The following MED25 variants were observed in gnomAD, a reference collection of about 807,000 sequenced individuals.
MED25 encodes mediator of RNA polymerase II transcription subunit 25.
Under a neutral mutation model 89.4 loss-of-function variants are expected in MED25, and 62 were observed. The ratio of observed to expected loss-of-function variants is 0.69; its 90% CI spans 0.57 to 0.86. The LOEUF (loss-of-function observed/expected upper bound fraction) is 0.86, where lower values mean the gene tolerates loss of function less well. Ranked by LOEUF, MED25 falls within the 40% of genes least tolerant of loss-of-function variation. The probability of loss-of-function intolerance (pLI) is 0.00; values close to 1 mark genes in which losing one functional copy is unlikely to be tolerated. For missense variants in MED25, 905 were observed against 1,005.2 expected, an observed-to-expected ratio of 0.90 and a Z score of 1.35; for synonymous variants, 449 against 427.9, an observed-to-expected ratio of 1.05 and a Z score of -0.61.
Position 49,830,452 on chromosome 19 carries a change from C to A in MED25, c.820-59C>A. 6.4e-7 allele frequency: 1 copy of A among 1,559,562 alleles called. No individual in the cohort carries two copies. ...ATGGGTGGTGTGACCTCGTGGGATACCAGGACTGGGGGGCCATGGTCCTCA... is the reference window on the plus strand; with the variant it reads ...ATGGGTGGTGTGACCTCGTGGGATAACAGGACTGGGGGGCCATGGTCCTCA... On this transcript the variant is annotated intron_variant, in intron 7 of 17. Coordinates refer to ENST00000312865, the MANE Select transcript of MED25 (RefSeq NM_030973.4). The surrounding 1 kb of genome is among the most constrained non-coding windows in gnomAD (Gnocchi z 4.6).
intron 3 of MED25, among the ~76,000 whole-genome samples, chr19:49,824,418 A>G (rs2074001999): frequency 6.6e-6 from 1 of 152,094 alleles, no homozygotes. Flanking sequence ...TACAAAAACA[A>G]CAAATAAATA....
chr19:49,820,124 C>T (rs1479698119), intron 3 of MED25, among the ~76,000 whole-genome samples: 1 of 151,942 alleles, frequency 6.6e-6, no homozygotes, highest in East Asian at 1.9e-4. Flanking sequence ...GGGTGAGCCA[C>T]TGTTGCGGGA....
chr19:49,818,607 C>A lies in MED25; in HGVS notation c.171C>A (p.Phe57Leu). 1 of 1,613,954 alleles carries A rather than the reference C, an allele frequency of 6.2e-7. No homozygotes were observed. Among genetic ancestry groups the A allele is most frequent in the Non-Finnish European group, 8.5e-7 (1 of 1,179,964 alleles). Residue 57 changes from phenylalanine (F) to leucine (L), a missense_variant, in exon 2 of 18, where the codon TTC becomes TTA. This residue lies in a region of MED25 where 501 missense variants were observed against 526.9 expected (regional missense o/e 0.95). Coordinates refer to ENST00000312865, the MANE Select transcript of MED25 (RefSeq NM_030973.4). ...GTGGTCCTCCTGCTGAGACGGACTT[C>A]GGGGGAGACGTGAGTCTAGGGACTC... is the stretch of plus-strand genomic sequence containing the variant. ...FNGGPPAETD[F>L]GGDYGGTQYS...
chr19:49,831,552 T>C lies in MED25; in HGVS notation c.1230+91T>C, dbSNP rs2074057814. On this transcript the variant is annotated intron_variant, in intron 10 of 17. Transcript: ENST00000312865. The surrounding 1 kb of genome is among the most constrained non-coding windows in gnomAD (Gnocchi z 5.0). ...CTCATGGGGCCAGATGCGTGGGGTCTGCAGTGCTGGGTTTGGAGGCATTCG... is the reference window on the plus strand; with the variant it reads ...CTCATGGGGCCAGATGCGTGGGGTCCGCAGTGCTGGGTTTGGAGGCATTCG... 2.0e-6 allele frequency: 3 copies of C among 1,479,196 alleles called. No individual in the cohort carries two copies. The highest frequency in any genetic ancestry group is 2.7e-6 in the Non-Finnish European group (3 of 1,091,358). The allele number at this position is 1,479,196 out of a possible 1,614,324, so 91.6% of individuals were successfully genotyped here. A position where few individuals can be genotyped will look rare whatever the true frequency, so the allele number is the denominator to read the frequency against.
intron 3 of MED25, among the ~76,000 whole-genome samples, chr19:49,825,630 G>A (rs532675048): frequency 1.3e-5 from 2 of 151,656 alleles, no homozygotes; most frequent in Admixed American, 6.6e-5. Flanking sequence ...TCGGGAGTTC[G>A]AGACCAGCCC....
rs1382112071 is a variant in MED25 at position 49,818,409 on chromosome 19, A to C, written c.68A>C (p.Glu23Ala). Residue 23 changes from glutamate (E) to alanine (A), a missense_variant, in exon 1 of 18, where the codon GAG becomes GCG. Around this residue, in one of 3 missense-constraint regions of MED25, gnomAD observed 501 missense variants for 526.9 expected, o/e 0.95. Transcript: ENST00000312865. Reference protein sequence around the residue: ...SVVADVVFVIEGTANLGPYFE... With the variant: ...SVVADVVFVIAGTANLGPYFE... ...GTGGCCGACGTGGTGTTTGTGATTG[A>C]GGGTACGGCCAACCTGGGACCCTAC... The C allele has an allele frequency of 6.2e-7, 1 of 1,613,802 alleles. No homozygotes were observed.
rs1050660764 is a variant in MED25 at position 49,831,759 on chromosome 19, C to T, written c.1231-177C>T. Among the ~76,000 whole-genome samples the T allele has an allele frequency of 1.3e-5, 2 of 151,858 alleles. No individual in the cohort carries two copies. The highest frequency in any genetic ancestry group is 2.4e-5 in the African/African-American group (1 of 41,286). ...GATGGTGGGATTTAGGGGCCGGGCA[C>T]GTAGCTGTAACATTTGAGGAACTGA... On this transcript the variant is annotated intron_variant, in intron 10 of 17. Coordinates refer to ENST00000312865, the MANE Select transcript of MED25 (RefSeq NM_030973.4). The surrounding 1 kb of genome is among the most constrained non-coding windows in gnomAD (Gnocchi z 5.0).
chr19:49,818,670 C>T (rs1600311916), intron 2 of MED25, 54 bp downstream of exon 2: 2 of 1,550,026 alleles, frequency 1.3e-6, no homozygotes, highest in East Asian at 4.5e-5. Flanking sequence ...GCCTGGACTC[C>T]TGGGTCTGAG....
At position 49,835,757 on chromosome 19, in the gene MED25, CAG is replaced by C. The variant is rs763039409; in HGVS notation, c.1778_1779del (p.Gln593ArgfsTer?). The C allele has an allele frequency of 1.4e-5, 23 of 1,610,804 alleles. No individual in the cohort carries two copies. Among genetic ancestry groups the C allele is most frequent in the African/African-American group, 2.7e-5 (2 of 74,984 alleles). On this transcript the variant is annotated frameshift_variant, in exon 16 of 18. Coordinates refer to ENST00000312865, the MANE Select transcript of MED25 (RefSeq NM_030973.4). LOFTEE classifies it high-confidence loss of function. This position sits in a 1 kb window ranked among gnomAD's most constrained non-coding sequence, Gnocchi z 6.2. ...LQLRPPQPQP[Q>X]GTVGASGATG... is the part of the protein sequence containing the mutation. ...GCTCCGCCCACCGCAGCCCCAGCCT[CAG>C]GGTACCGTAGGGGCCTCTGGGGCCA...
At chr19:49,833,625 C>T (rs898752119) in intron 13 of MED25, 1 of 152,230 alleles carries the variant, frequency 6.6e-6, no homozygotes, top group East Asian at 1.9e-4. Context: ...ATTGGGGGCA[C>T]TCGGAAAAAA....
rs138246339 is a variant in MED25, at chr19:49,818,437, C to T, written c.96C>T (p.Phe32=). Residue 32 remains phenylalanine (F), a synonymous_variant, in exon 1 of 18, where the codon TTC becomes TTT. Transcript: ENST00000312865. ...GTACGGCCAACCTGGGACCCTACTT[C>T]GAGGGGCTCCGCAAGCACTACCTGC... ...IEGTANLGPY[F]EGLRKHYLLP... 368 of 1,614,108 alleles carry T rather than the reference C, an allele frequency of 2.3e-4. 1 individual carries two copies. In the East Asian group the frequency reaches 8.1e-3, roughly 35 times the overall value.
chr19:49,824,587 G>GGA (rs1555801645), intron 3 of MED25, among the ~76,000 whole-genome samples: 8 of 122,954 alleles, frequency 6.5e-5, no homozygotes, highest in Non-Finnish European at 7.0e-5. Flanking sequence ...CCTGTCTCGG[G>GGA]AAAAAAAAAA....
chr19:49,823,495 C>T lies in MED25; in HGVS notation c.305+4199C>T, dbSNP rs180933063. 3.3e-5 allele frequency among the ~76,000 whole-genome samples: 5 copies of T among 152,158 alleles called. No homozygotes were observed. In the East Asian group the frequency reaches 7.7e-4, roughly 23 times the overall value. On this transcript the variant is annotated intron_variant, in intron 3 of 17. Transcript: ENST00000312865. Reference sequence around the variant, plus strand: ...GTTTCCTAGGATTTTGTGCCTCACTCTCCTGGTTTGCAAATGGATAATGGT... The same window carrying T: ...GTTTCCTAGGATTTTGTGCCTCACTTTCCTGGTTTGCAAATGGATAATGGT...
At position 49,831,555 on chromosome 19, in the gene MED25, AG is replaced by A; in HGVS notation, c.1230+95del. 6.8e-7 allele frequency: 1 copy of A among 1,467,840 alleles called. No homozygotes were observed. The highest frequency in any genetic ancestry group is 1.4e-5 in the African/African-American group (1 of 71,658). The allele number at this position is 1,467,840 out of a possible 1,614,324, so 90.9% of individuals were successfully genotyped here. On this transcript the variant is annotated intron_variant, in intron 10 of 17. Coordinates refer to ENST00000312865, the MANE Select transcript of MED25 (RefSeq NM_030973.4). This position sits in a 1 kb window ranked among gnomAD's most constrained non-coding sequence, Gnocchi z 5.0. ...ATGGGGCCAGATGCGTGGGGTCTGC[AG>A]TGCTGGGTTTGGAGGCATTCGTTGC... is the stretch of plus-strand genomic sequence containing the variant.
chr19:49,825,135 T>C (rs866746825), intron 3 of MED25, among the ~76,000 whole-genome samples: 99 of 152,366 alleles, frequency 6.5e-4, no homozygotes, highest in African/African-American at 2.3e-3. Flanking sequence ...GTTTATTACA[T>C]GTCGCCCTTT....
rs2074035848 is a variant in MED25 at position 49,829,191 on chromosome 19, A to G, written c.525+101A>G. ...CCTGGACTCCTGGGTCTGAGGGAGG[A>G]GGCACTGGGGGCCTGGACTCTTGGG... On this transcript the variant is annotated intron_variant, in intron 5 of 17. Transcript: ENST00000312865. The surrounding 1 kb of genome is among the most constrained non-coding windows in gnomAD (Gnocchi z 4.6). 3.4e-5 allele frequency: 36 copies of G among 1,074,300 alleles called. No homozygotes were observed. Among genetic ancestry groups the G allele is most frequent in the Non-Finnish European group, 4.7e-5 (34 of 720,378 alleles). The allele number at this position is 1,074,300 out of a possible 1,614,324, so 66.5% of individuals were successfully genotyped here. A position where few individuals can be genotyped will look rare whatever the true frequency, so the allele number is the denominator to read the frequency against.
chr19:49,825,218 GT>G, intron 3 of MED25, among the ~76,000 whole-genome samples: 1 of 152,118 alleles, frequency 6.6e-6, no homozygotes, highest in Non-Finnish European at 1.5e-5. Flanking sequence ...AAACTGGTTA[GT>G]TTATCACACT....
intron 3 of MED25, among the ~76,000 whole-genome samples, chr19:49,820,402 C>T (rs1277393513): frequency 2.6e-5 from 4 of 152,202 alleles, no homozygotes; most frequent in Admixed American, 6.5e-5. Flanking sequence ...GCTATGCAAC[C>T]CAGATGTCCC....
chr19:49,836,608 C>T lies in MED25; in HGVS notation c.2146+202C>T. The stretch of plus-strand genomic sequence containing the variant: ...GGACCTAGTGGGTTAAGAGCGTTTC[C>T]CATGATCCTCCTGTGTGTGCTCCTG... On this transcript the variant is annotated intron_variant, in intron 17 of 17. Coordinates refer to ENST00000312865, the MANE Select transcript of MED25 (RefSeq NM_030973.4). The surrounding 1 kb of genome is among the most constrained non-coding windows in gnomAD (Gnocchi z 5.1). 1.3e-6 allele frequency: 1 copy of T among 756,162 alleles called. No homozygotes were observed. The highest frequency in any genetic ancestry group is 2.3e-6 in the Non-Finnish European group (1 of 426,652). The allele number at this position is 756,162 out of a possible 1,614,324, so 46.8% of individuals were successfully genotyped here.
Sources: gnomAD v4.1 joint callset for allele counts (sites outside exome capture counted in the v4.1 genomes callset) on GRCh38, gnomAD v4.1.1 for gene constraint, gnomAD v4.1.1 regional missense constraint, Gnocchi (gnomAD v3.1) non-coding constraint, MANE v1.5 for transcripts, NCBI Gene and HGNC (gene_info 2026-07-23, HGNC 2026-07-21) for gene names.